Variants in GRID1 observed in about 807,000 individuals in gnomAD.
The protein encoded by GRID1 is glutamate receptor ionotropic, delta-1.
In GRID1, 28 loss-of-function variants were observed where a neutral mutation model predicts 98.0. The observed-to-expected ratio is 0.29, with a 90% CI of 0.21 to 0.39. The LOEUF is 0.39. Ranked by LOEUF, GRID1 falls within the 10% of genes least tolerant of loss-of-function variation. GRID1 has a pLI of 1.00. For synonymous variants in GRID1, 553 were observed against 538.5 expected (o/e 1.03, Z -0.37); for missense variants, 1,111 against 1,340.5 (o/e 0.83, Z 2.67).
intron 5 of GRID1, among the ~76,000 whole-genome samples, chr10:85,910,826 G>A (rs1350378138): frequency 1.3e-5 from 2 of 152,318 alleles, no homozygotes. Context: ...CTGGGGTGAG[G>A]CTGTGAAAAA....
chr10:85,722,500 G>C (rs1841715049), intron 12 of GRID1, among the ~76,000 whole-genome samples: 2 of 151,828 alleles, frequency 1.3e-5, no homozygotes, highest in Admixed American at 6.6e-5. Context: ...TTAACATTTT[G>C]TAAACATGAA....
chr10:86,259,467 A>G (rs1846978992), intron 2 of GRID1, among the ~76,000 whole-genome samples: 1 of 151,558 alleles, frequency 6.6e-6, no homozygotes, highest in African/African-American at 2.4e-5. Context: ...ATATCATTAA[A>G]TTATGTAAAT....
chr10:86,323,669 G>T (rs746034818), intron 2 of GRID1, among the ~76,000 whole-genome samples: 16 of 152,180 alleles, frequency 1.1e-4, no homozygotes, highest in Non-Finnish European at 2.1e-4. Context: ...CTGCTCAATG[G>T]GTACAGGGTC....
chr10:86,237,039 T>G (rs1846550567), intron 2 of GRID1, among the ~76,000 whole-genome samples: 1 of 152,082 alleles, frequency 6.6e-6, no homozygotes, highest in Non-Finnish European at 1.5e-5. Context: ...GCTTCCACAC[T>G]CCTTCCCCTC....
At chr10:86,354,078 C>G (rs747510357) in intron 2 of GRID1, among the ~76,000 whole-genome samples, 81 of 152,340 alleles carry the variant, frequency 5.3e-4, no homozygotes, top group Non-Finnish European at 6.9e-4. Context: ...GCCCACGGCC[C>G]CAGGCCAGGA....
intron 2 of GRID1, among the ~76,000 whole-genome samples, chr10:86,300,465 GGGGAGGGAGGAA>G (rs1190079323): frequency 1.5e-5 from 2 of 132,994 alleles, no homozygotes; most frequent in East Asian, 4.6e-4. Flanking sequence ...AGAGGGAACA[GGGGAGGGAGGAA>G]GGGAGGGAGG....
chr10:86,154,018 T>C (rs1845208298), intron 3 of GRID1, among the ~76,000 whole-genome samples: 1 of 152,124 alleles, frequency 6.6e-6, no homozygotes, highest in African/African-American at 2.4e-5. Flanking sequence ...GGTGGAGCCA[T>C]CCATCACAGG....
intron 4 of GRID1, among the ~76,000 whole-genome samples, chr10:86,097,951 T>G (rs1240072814): frequency 6.6e-6 from 1 of 152,186 alleles, no homozygotes; most frequent in Non-Finnish European, 1.5e-5. Flanking sequence ...ATTCCAGACA[T>G]GAAGAAAATA....
chr10:85,637,795 G>A (rs1399530709), intron 13 of GRID1, among the ~76,000 whole-genome samples: 2 of 152,130 alleles, frequency 1.3e-5, no homozygotes, highest in Non-Finnish European at 2.9e-5. Context: ...GACTATCTTG[G>A]ATAGCTTCTT....
At chr10:86,159,734 G>C (rs933277212) in intron 3 of GRID1, among the ~76,000 whole-genome samples, 1 of 152,122 alleles carries the variant, frequency 6.6e-6, no homozygotes, top group Non-Finnish European at 1.5e-5. Flanking sequence ...AGTCAGCCAG[G>C]GTTCAACACT....
At chr10:85,950,168 C>T (rs918041010) in intron 4 of GRID1, among the ~76,000 whole-genome samples, 19 of 152,174 alleles carry the variant, frequency 1.2e-4, no homozygotes, top group African/African-American at 4.1e-4. Flanking sequence ...AGACAAAACA[C>T]AGTGGCAATG....
chr10:85,880,726 C>T (rs1298976714), intron 5 of GRID1, among the ~76,000 whole-genome samples: 1 of 151,940 alleles, frequency 6.6e-6, no homozygotes, highest in Non-Finnish European at 1.5e-5. Flanking sequence ...ACAGGGATGC[C>T]CCCTCTCACC....
intron 12 of GRID1, among the ~76,000 whole-genome samples, chr10:85,669,490 C>T (rs1841061266): frequency 1.3e-5 from 2 of 152,186 alleles, no homozygotes; most frequent in African/African-American, 4.8e-5. Context: ...CAAAATACGT[C>T]TACAGAGAGT....
chr10:85,847,989 C>A lies in GRID1; in HGVS notation c.1233+6507G>T, dbSNP rs578244221. Among the ~76,000 whole-genome samples, 5 of 152,150 alleles carry A rather than the reference C, an allele frequency of 3.3e-5. No homozygotes were observed. The South Asian group carries it at 1.0e-3, about 31-fold the overall frequency. On this transcript the variant is annotated intron_variant, in intron 8 of 15. Coordinates refer to ENST00000327946, the MANE Select transcript of GRID1 (RefSeq NM_017551.3). ...ATATAAGTTTACAATGTGCAAAGAA[C>A]CTGAGGTATAATTTACAAAAATGTG...
chr10:85,709,477 T>C (rs1177484973), intron 12 of GRID1, among the ~76,000 whole-genome samples: 2 of 152,150 alleles, frequency 1.3e-5, no homozygotes, highest in East Asian at 3.9e-4. Context: ...TATAGGGCAA[T>C]AAATTAAAGC....
At chr10:86,181,871 G>A (rs1225571516) in intron 3 of GRID1, among the ~76,000 whole-genome samples, 1 of 152,186 alleles carries the variant, frequency 6.6e-6, no homozygotes, top group African/African-American at 2.4e-5. Flanking sequence ...ATAGCTCCAT[G>A]AGGGCAGGAA....
At chr10:86,295,906 C>T (rs1192496450) in intron 2 of GRID1, among the ~76,000 whole-genome samples, 1 of 152,234 alleles carries the variant, frequency 6.6e-6, no homozygotes, top group East Asian at 1.9e-4. Context: ...TGTGGAGGGG[C>T]AGTTCCTCAG....
intron 4 of GRID1, among the ~76,000 whole-genome samples, chr10:86,111,172 G>A (rs1589374758): frequency 6.6e-6 from 1 of 152,182 alleles, no homozygotes; most frequent in Non-Finnish European, 1.5e-5. Context: ...AAACTCAAGA[G>A]GACAGGTGGA....
In GRID1 at chr10:85,916,305, G is replaced by A. The variant is rs373014882; in HGVS notation, c.727-66C>T. The A allele has an allele frequency of 6.6e-5, 76 of 1,143,380 alleles. No individual in the cohort carries two copies. Among genetic ancestry groups the A allele is most frequent in the Non-Finnish European group, 6.4e-5 (48 of 753,626 alleles). The allele number at this position is 1,143,380 out of a possible 1,614,324, so 70.8% of individuals were successfully genotyped here. On this transcript the variant is annotated intron_variant, in intron 4 of 15. Transcript: ENST00000327946. The surrounding 1 kb of genome is among the most constrained non-coding windows in gnomAD (Gnocchi z 4.0). ...AGAAGCTGGCAGACACAGGATGATTGCCGAGACAGAGTTTTATAAACATTG... is the reference window on the plus strand; with the variant it reads ...AGAAGCTGGCAGACACAGGATGATTACCGAGACAGAGTTTTATAAACATTG...
Sources: gnomAD v4.1 joint callset for allele counts (sites outside exome capture counted in the v4.1 genomes callset) on GRCh38, gnomAD v4.1.1 for gene constraint, Gnocchi (gnomAD v3.1) non-coding constraint, MANE v1.5 for transcripts, NCBI Gene and HGNC (gene_info 2026-07-23, HGNC 2026-07-21) for gene names.